The following CRPPA variants were observed in gnomAD, a reference collection of about 807,000 sequenced individuals.
CRPPA encodes the protein CDP-L-ribitol pyrophosphorylase A, also known as D-ribitol-5-phosphate cytidylyltransferase.
CRPPA carries 43 observed loss-of-function variants against 52.0 expected under a neutral mutation model. The ratio of observed to expected loss-of-function variants is 0.83; its 90% CI spans 0.65 to 1.07. CRPPA has a LOEUF of 1.07. CRPPA is among the 50% of genes least tolerant of loss of function. The pLI, the probability that CRPPA is intolerant of heterozygous loss-of-function variation, is 0.00. For synonymous variants in CRPPA, 250 were observed against 203.5 expected, an observed-to-expected ratio of 1.23 and a Z score of -1.94; for missense variants, 629 against 551.7, an observed-to-expected ratio of 1.14 and a Z score of -1.40.
intron 9 of CRPPA, among the ~76,000 whole-genome samples, chr7:16,106,554 G>A (rs1782155714): frequency 6.6e-6 from 1 of 152,180 alleles, no homozygotes; most frequent in South Asian, 2.1e-4. Context: ...GCCAACTGGA[G>A]AACTCACAAC....
intron 5 of CRPPA, among the ~76,000 whole-genome samples, chr7:16,284,734 C>G (rs1208669220): frequency 6.6e-6 from 1 of 152,068 alleles, no homozygotes; most frequent in Non-Finnish European, 1.5e-5. Context: ...CTTAGTTTAT[C>G]TACTAGGATC....
chr7:16,138,624 T>C (rs1782806138), intron 9 of CRPPA, among the ~76,000 whole-genome samples: 2 of 152,350 alleles, frequency 1.3e-5, no homozygotes, highest in South Asian at 4.1e-4. Context: ...ATTTGATGGC[T>C]TTGATATACT....
chr7:16,185,024 A>T, intron 9 of CRPPA, among the ~76,000 whole-genome samples: 1 of 152,198 alleles, frequency 6.6e-6, no homozygotes, highest in East Asian at 1.9e-4. Context: ...AAGTGGTTCT[A>T]GGTACCATAG....
intron 3 of CRPPA, among the ~76,000 whole-genome samples, chr7:16,312,552 T>G (rs1399246504): frequency 1.3e-5 from 2 of 151,894 alleles, no homozygotes; most frequent in Non-Finnish European, 2.9e-5. Context: ...CTGTGAAAAA[T>G]TATTTCTTCC....
chr7:16,151,431 G>C (rs1208565223), intron 9 of CRPPA, among the ~76,000 whole-genome samples: 2 of 152,098 alleles, frequency 1.3e-5, no homozygotes, highest in African/African-American at 2.4e-5. Context: ...TCAAGCAATA[G>C]TAAACAAAGG....
At chr7:16,224,808 A>T (rs1782607128) in intron 8 of CRPPA, among the ~76,000 whole-genome samples, 2 of 152,164 alleles carry the variant, frequency 1.3e-5, no homozygotes, top group Admixed American at 6.6e-5. Context: ...TCTTATTTCA[A>T]CTATTTAAGA....
chr7:16,258,517 A>G (rs1406829423), intron 7 of CRPPA, 35 bp from the exon 8 acceptor site: 2 of 1,281,354 alleles, frequency 1.6e-6, no homozygotes, highest in South Asian at 2.7e-5. Context: ...ATATGAGAAG[A>G]CGTTTTTAAA....
chr7:16,257,360 G>A (rs1301233286), intron 8 of CRPPA, among the ~76,000 whole-genome samples: 1 of 152,070 alleles, frequency 6.6e-6, no homozygotes. Context: ...AGCCTCAGAG[G>A]CTTCCAACAT....
chr7:16,238,936 G>A (rs977630884), intron 8 of CRPPA, among the ~76,000 whole-genome samples: 2 of 152,040 alleles, frequency 1.3e-5, no homozygotes, highest in African/African-American at 4.8e-5. Flanking sequence ...TCAGGAGTTC[G>A]AGACCAGCCT....
chr7:16,097,121 C>A (rs922763118), intron 9 of CRPPA, among the ~76,000 whole-genome samples: 1 of 151,980 alleles, frequency 6.6e-6, no homozygotes, highest in Non-Finnish European at 1.5e-5. Flanking sequence ...AAAATCTATA[C>A]AAAGAAAACC....
intron 8 of CRPPA, among the ~76,000 whole-genome samples, chr7:16,241,943 A>G (rs1229387738): frequency 1.5e-5 from 1 of 66,482 alleles, no homozygotes; most frequent in South Asian, 3.6e-4. Flanking sequence ...TTAAAAATCT[A>G]TTCTTTTTTT....
chr7:16,298,690 T>G (rs1038058560), intron 5 of CRPPA, among the ~76,000 whole-genome samples: 2 of 152,198 alleles, frequency 1.3e-5, no homozygotes, highest in Admixed American at 1.3e-4. Context: ...GGATCCCCAA[T>G]TAGCTGGTAA....
chr7:16,331,201 G>T (rs535088441), intron 3 of CRPPA, among the ~76,000 whole-genome samples: 1 of 151,906 alleles, frequency 6.6e-6, no homozygotes, highest in South Asian at 2.1e-4. Context: ...GGGTTTCACC[G>T]TGTTAGCCAG....
At chr7:16,213,790 T>G (rs898017134) in intron 9 of CRPPA, among the ~76,000 whole-genome samples, 1 of 152,136 alleles carries the variant, frequency 6.6e-6, no homozygotes, top group Non-Finnish European at 1.5e-5. Context: ...GGTAACTTTC[T>G]TATTTGTCCC....
chr7:16,273,922 G>C (rs1373835600), intron 6 of CRPPA, among the ~76,000 whole-genome samples: 3 of 152,164 alleles, frequency 2.0e-5, no homozygotes, highest in Non-Finnish European at 4.4e-5. Flanking sequence ...ATGAGAGGTG[G>C]AGAGCTGTGG....
intron 9 of CRPPA, among the ~76,000 whole-genome samples, chr7:16,111,322 T>A (rs1392528703): frequency 2.0e-5 from 3 of 152,144 alleles, no homozygotes; most frequent in African/African-American, 7.2e-5. Flanking sequence ...TGTGCACTGT[T>A]GGTAGGAACA....
At chr7:16,280,335 A>G (rs953223895) in intron 5 of CRPPA, among the ~76,000 whole-genome samples, 2 of 152,206 alleles carry the variant, frequency 1.3e-5, no homozygotes, top group African/African-American at 4.8e-5. Context: ...GGCTTTTGAA[A>G]ACAGAGTTAA....
intron 9 of CRPPA, among the ~76,000 whole-genome samples, chr7:16,109,779 C>T (rs1027180245): frequency 6.6e-6 from 1 of 151,928 alleles, no homozygotes; most frequent in African/African-American, 2.4e-5. Flanking sequence ...AAAACTCTCA[C>T]ATTAGGTATA....
At chr7:16,312,880 A>C (rs1012414993) in intron 3 of CRPPA, among the ~76,000 whole-genome samples, 11 of 152,066 alleles carry the variant, frequency 7.2e-5, no homozygotes, top group Non-Finnish European at 1.3e-4. Context: ...GAAATACATT[A>C]GATTTTGAAA....
Sources: allele counts gnomAD v4.1 joint callset (sites outside exome capture counted in the v4.1 genomes callset), GRCh38; gene constraint gnomAD v4.1.1; transcripts MANE v1.5; gene names NCBI Gene and HGNC (gene_info 2026-07-23, HGNC 2026-07-21).